ATRNL1: variants seen among roughly 807,000 people sequenced by gnomAD.
ATRNL1 encodes attractin-like protein 1.
ATRNL1 carries 95 observed loss-of-function variants against 182.7 expected under a neutral mutation model. The ratio of observed to expected loss-of-function variants is 0.52; its 90% CI spans 0.44 to 0.62. The LOEUF is 0.62. Among genes scored for constraint, ATRNL1 ranks in the 20% least tolerant of loss-of-function variants. The pLI is 0.00. For missense variants in ATRNL1, 1,471 were observed against 1,679.5 expected (o/e 0.88, Z 2.17); for synonymous variants, 576 against 568.3 (o/e 1.01, Z -0.19).
At chr10:115,438,854 AAACAT>A (rs1321615729) in intron 21 of ATRNL1, among the ~76,000 whole-genome samples, 4 of 151,834 alleles carry the variant, frequency 2.6e-5, no homozygotes, top group African/African-American at 9.7e-5. Context: ...TTTTGGAGAG[AAACAT>A]AACTACAGTT....
At chr10:115,598,660 C>T (rs2804215) in intron 26 of ATRNL1, among the ~76,000 whole-genome samples, 147,978 of 152,110 alleles carry the variant, frequency 0.97, 72,140 homozygotes, top group Non-Finnish European at 1. Context: ...AAAACCCATT[C>T]CTATTATAAT....
intron 8 of ATRNL1, among the ~76,000 whole-genome samples, chr10:115,174,075 C>G (rs1321794315): frequency 1.3e-5 from 2 of 151,688 alleles, no homozygotes; most frequent in Non-Finnish European, 3.0e-5. Context: ...AGATCTGCTT[C>G]CATTAGTTTC....
chr10:115,899,300 A>G (rs1262399042), intron 28 of ATRNL1, among the ~76,000 whole-genome samples: 1 of 151,752 alleles, frequency 6.6e-6, no homozygotes, highest in East Asian at 1.9e-4. Flanking sequence ...CCATGTCCCT[A>G]TTTTTTTGTT....
At chr10:115,908,527 C>T (rs1952570775) in intron 28 of ATRNL1, among the ~76,000 whole-genome samples, 1 of 152,146 alleles carries the variant, frequency 6.6e-6, no homozygotes, top group Non-Finnish European at 1.5e-5. Flanking sequence ...ACATTGGTCC[C>T]ACCCAGGTTG....
chr10:115,835,069 T>C (rs1211228560), intron 27 of ATRNL1, among the ~76,000 whole-genome samples: 1 of 152,162 alleles, frequency 6.6e-6, no homozygotes, highest in Non-Finnish European at 1.5e-5. Context: ...TTGACATTAT[T>C]ATTATTATTA....
At chr10:115,324,006 T>A (rs187223842) in intron 18 of ATRNL1, among the ~76,000 whole-genome samples, 9 of 151,420 alleles carry the variant, frequency 5.9e-5, no homozygotes, top group Admixed American at 2.0e-4. Context: ...CTCGATCTCC[T>A]GACCTCGTGA....
chr10:115,390,869 G>A (rs200864472), intron 19 of ATRNL1, among the ~76,000 whole-genome samples: 1 of 152,186 alleles, frequency 6.6e-6, no homozygotes, highest in Non-Finnish European at 1.5e-5. Flanking sequence ...GAGCTTTTAA[G>A]TCCTTGGTTA....
intron 26 of ATRNL1, among the ~76,000 whole-genome samples, chr10:115,569,612 C>A (rs1464243327): frequency 6.6e-6 from 1 of 152,082 alleles, no homozygotes; most frequent in African/African-American, 2.4e-5. Flanking sequence ...GTGGTATTTT[C>A]TTTTTCTGCA....
At chr10:115,431,840 T>C (rs934755455) in intron 21 of ATRNL1, among the ~76,000 whole-genome samples, 3 of 152,136 alleles carry the variant, frequency 2.0e-5, no homozygotes, top group African/African-American at 7.2e-5. Context: ...GGGATTTTTT[T>C]CTTTGGTTTT....
chr10:115,797,531 T>C (rs549864203), intron 27 of ATRNL1, among the ~76,000 whole-genome samples: 47 of 151,890 alleles, frequency 3.1e-4, no homozygotes, highest in Non-Finnish European at 6.3e-4. Flanking sequence ...ACACTGGGGA[T>C]ATTAGAATGA....
chr10:115,809,164 G>T (rs1949990701), intron 27 of ATRNL1, among the ~76,000 whole-genome samples: 1 of 151,858 alleles, frequency 6.6e-6, no homozygotes, highest in Non-Finnish European at 1.5e-5. Context: ...TCTATTTGTT[G>T]ACTTCATTCT....
chr10:115,371,488 A>C (rs1232037696), intron 19 of ATRNL1, among the ~76,000 whole-genome samples: 1 of 152,238 alleles, frequency 6.6e-6, no homozygotes. Flanking sequence ...GATGTGAGAC[A>C]TGGAGTCAAA....
At chr10:115,450,554 A>G (rs1280211819) in intron 21 of ATRNL1, among the ~76,000 whole-genome samples, 4 of 152,160 alleles carry the variant, frequency 2.6e-5, no homozygotes, top group Non-Finnish European at 5.9e-5. Flanking sequence ...AGAATAAAAT[A>G]CCTTAGAATA....
At chr10:115,420,747 C>T (rs1300816064) in intron 20 of ATRNL1, among the ~76,000 whole-genome samples, 6 of 151,744 alleles carry the variant, frequency 4.0e-5, no homozygotes, top group African/African-American at 1.5e-4. Context: ...AAATACAAAG[C>T]ATCAAGAAAA....
Position 115,948,799 on chromosome 10 carries a change from T to C in ATRNL1, c.*4020T>C, listed in dbSNP as rs1953930314. ...TTAGAGTGTACATTTAACATTTTAGTTTTATCAAAATTTTTTGAAATTAAG... is the reference window on the plus strand; with the variant it reads ...TTAGAGTGTACATTTAACATTTTAGCTTTATCAAAATTTTTTGAAATTAAG... On this transcript the variant is annotated 3_prime_UTR_variant, in exon 29 of 29. Coordinates refer to ENST00000355044, the MANE Select transcript of ATRNL1 (RefSeq NM_207303.4). 1 of 152,236 alleles carries C rather than the reference T, an allele frequency of 6.6e-6. No homozygotes were observed. The highest frequency in any genetic ancestry group is 1.5e-5 in the Non-Finnish European group (1 of 68,052). The allele number at this position is 152,236 out of a possible 1,614,324, so 9.4% of individuals were successfully genotyped here. A position where few individuals can be genotyped will look rare whatever the true frequency, so the allele number is the denominator to read the frequency against.
At chr10:115,759,239 T>C (rs1414900719) in intron 27 of ATRNL1, among the ~76,000 whole-genome samples, 1 of 152,224 alleles carries the variant, frequency 6.6e-6, no homozygotes, top group Non-Finnish European at 1.5e-5. Context: ...TCTCTTTAAA[T>C]CAGGGTTTCT....
intron 26 of ATRNL1, among the ~76,000 whole-genome samples, chr10:115,687,647 A>T (rs564203557): frequency 8.5e-5 from 13 of 152,158 alleles, no homozygotes; most frequent in South Asian, 2.1e-4. Context: ...TGCTCCATCA[A>T]ATGATAGTTC....
At position 115,398,201 on chromosome 10, in the gene ATRNL1, G is replaced by A. The variant is rs1419995182; in HGVS notation, c.3269+3449G>A. 2.6e-5 allele frequency among the ~76,000 whole-genome samples: 4 copies of A among 151,934 alleles called. 1 individual carries two copies. The highest frequency in any genetic ancestry group is 1.9e-4 in the East Asian group (1 of 5,182). ...GAGAGCATTCCTTGTATTGTACCTT[G>A]TGGAAGGGATTGGCAGCCGCAGTGG... is the stretch of plus-strand genomic sequence containing the variant. On this transcript the variant is annotated intron_variant, in intron 20 of 28. Transcript: ENST00000355044.
intron 24 of ATRNL1, among the ~76,000 whole-genome samples, chr10:115,472,147 C>T (rs549947179): frequency 6.6e-6 from 1 of 150,914 alleles, no homozygotes; most frequent in South Asian, 2.1e-4. Flanking sequence ...AGTCAAAGAT[C>T]AGTTGACGCT....
Sources: gnomAD v4.1 joint callset for allele counts (sites outside exome capture counted in the v4.1 genomes callset) on GRCh38, gnomAD v4.1.1 for gene constraint, MANE v1.5 for transcripts, NCBI Gene and HGNC (gene_info 2026-07-23, HGNC 2026-07-21) for gene names.